Variants in SETX observed in about 807,000 individuals in gnomAD.
The protein encoded by SETX is helicase senataxin.
SETX carries 90 observed loss-of-function variants against 227.2 expected under a neutral mutation model. The observed-to-expected ratio is 0.40, with a 90% CI of 0.33 to 0.47. The LOEUF is 0.47. SETX is among the 20% of genes least tolerant of loss of function. The probability of loss-of-function intolerance (pLI) is 0.91; values close to 1 mark genes in which losing one functional copy is unlikely to be tolerated. For synonymous variants in SETX, 1,210 were observed against 1,113.2 expected, an observed-to-expected ratio of 1.09 and a Z score of -1.73; for missense variants, 3,052 against 3,181.5, an observed-to-expected ratio of 0.96 and a Z score of 0.98.
At chr9:132,349,532 T>C in intron 2 of SETX, 97 bp from the exon 3 acceptor site, 1 of 1,300,230 alleles carries the variant, frequency 7.7e-7, no homozygotes, top group Non-Finnish European at 1.1e-6. Context: ...CTGGTTTCAA[T>C]TTAAAATGTG....
intron 2 of SETX, among the ~76,000 whole-genome samples, chr9:132,350,975 CATTTT>C (rs1245539397): frequency 6.6e-6 from 1 of 152,206 alleles, no homozygotes; most frequent in East Asian, 1.9e-4. Context: ...AACTCAATTA[CATTTT>C]ATTAATGCCT....
At chr9:132,346,177 A>C in intron 4 of SETX, 84 bp downstream of exon 4, 3 of 1,118,572 alleles carry the variant, frequency 2.7e-6, no homozygotes, top group Non-Finnish European at 4.0e-6. Context: ...TTAGCAAACA[A>C]ATTTGCAATA....
intron 10 of SETX, among the ~76,000 whole-genome samples, chr9:132,325,439 A>G (rs1846673944): frequency 6.6e-6 from 1 of 151,572 alleles, no homozygotes; most frequent in Admixed American, 6.6e-5. Flanking sequence ...TTTGTGTTCA[A>G]TGTAATTCAC....
At chr9:132,296,088 T>C (rs1589667246) in intron 14 of SETX, 60 bp from the exon 15 acceptor site, 2 of 1,587,756 alleles carry the variant, frequency 1.3e-6, no homozygotes, top group Non-Finnish European at 1.7e-6. Flanking sequence ...TGAGCTCTAT[T>C]ACATAGCTTT....
At position 132,326,696 on chromosome 9, in the gene SETX, A is replaced by G; in HGVS notation, c.4902T>C (p.Ile1634=). The G allele has an allele frequency of 6.2e-7, 1 of 1,614,196 alleles. No individual in the cohort carries two copies. The highest frequency in any genetic ancestry group is 8.5e-7 in the Non-Finnish European group (1 of 1,179,998). ...LKNKSKGIQS[I]LKVPQPVPLI... ...GGGGAACTGGCTGTGGTACTTTCAA[A>G]ATCGACTGTATCCCCTTTGACTTAT... Residue 1634 remains isoleucine, a synonymous_variant, in exon 10 of 26, where the codon ATT becomes ATC. Transcript: ENST00000224140.
chr9:132,269,308 G>A (rs932514535), intron 25 of SETX: 1 of 858,574 alleles, frequency 1.2e-6, no homozygotes, highest in Non-Finnish European at 1.6e-6. Context: ...TTTACTAAGT[G>A]CCAAGCAATT....
chr9:132,292,169 G>A (rs1485621277), intron 15 of SETX, among the ~76,000 whole-genome samples: 1 of 152,022 alleles, frequency 6.6e-6, no homozygotes, highest in East Asian at 1.9e-4. Context: ...GTGGTCAGGG[G>A]CAGTGTCTCA....
rs566789350 is a variant in SETX at position 132,272,485 on chromosome 9, A to G, written c.7101-677T>C. On this transcript the variant is annotated intron_variant, in intron 23 of 25. Coordinates refer to ENST00000224140, the MANE Select transcript of SETX (RefSeq NM_015046.7). ...ATTTTTAAAGAAACTTAAAAAAAAA[A>G]AGAGAGAGAGAGAGAGACAGAGTCT... 3.0e-3 allele frequency among the ~76,000 whole-genome samples: 449 copies of G among 151,012 alleles called. 1 individual carries two copies. Among genetic ancestry groups the G allele is most frequent in the African/African-American group, 9.4e-3 (387 of 41,078 alleles).
At chr9:132,270,556 C>T (rs1188134066) in intron 24 of SETX, among the ~76,000 whole-genome samples, 1 of 152,228 alleles carries the variant, frequency 6.6e-6, no homozygotes, top group African/African-American at 2.4e-5. Flanking sequence ...CAGAAGAATT[C>T]CTATTAAAAA....
chr9:132,300,130 CAAAAAAAAAAAA>C (rs72582907), intron 12 of SETX, among the ~76,000 whole-genome samples: 1 of 47,206 alleles, frequency 2.1e-5, no homozygotes, highest in Non-Finnish European at 4.5e-5. Flanking sequence ...AACTCCGTCT[CAAAAAAAAAAAA>C]AAAAAAAAAA....
intron 15 of SETX, among the ~76,000 whole-genome samples, chr9:132,292,661 G>A (rs1254657547): frequency 4.0e-5 from 5 of 125,562 alleles, no homozygotes; most frequent in Admixed American, 1.9e-4. Flanking sequence ...CAAGAGTCTC[G>A]CTCTGTCACC....
chr9:132,331,933 A>C (rs1210212283), intron 7 of SETX, among the ~76,000 whole-genome samples: 3 of 152,240 alleles, frequency 2.0e-5, no homozygotes, highest in African/African-American at 7.2e-5. Flanking sequence ...CTCTTTCAGC[A>C]TCATCCTGAA....
chr9:132,323,611 T>C (rs79076974), intron 10 of SETX, among the ~76,000 whole-genome samples: 12,433 of 152,016 alleles, frequency 0.082, 639 homozygotes, highest in East Asian at 0.24. Context: ...TTCAGAAATA[T>C]GGAAGGAAGG....
intron 13 of SETX, among the ~76,000 whole-genome samples, chr9:132,297,658 T>TA (rs1170491405): frequency 1.3e-5 from 2 of 152,344 alleles, no homozygotes; most frequent in Middle Eastern, 3.4e-3. Context: ...TCTAAATAGT[T>TA]AGTTTCCTTT....
At chr9:132,279,644 A>G (rs567898627) in intron 20 of SETX, among the ~76,000 whole-genome samples, 3 of 152,356 alleles carry the variant, frequency 2.0e-5, no homozygotes, top group South Asian at 4.1e-4. Context: ...AAAGCATAAA[A>G]TAATTATTAA....
chr9:132,277,268 A>G, intron 21 of SETX, 116 bp from the exon 22 acceptor site: 2 of 813,730 alleles, frequency 2.5e-6, no homozygotes, highest in Non-Finnish European at 4.1e-6. Flanking sequence ...GTAAGGGGAT[A>G]GCAGGAATAT....
chr9:132,308,051 T>G lies in SETX; in HGVS notation c.5374+3706A>C, dbSNP rs141161311. On this transcript the variant is annotated intron_variant, in intron 11 of 25. Coordinates refer to ENST00000224140, the MANE Select transcript of SETX (RefSeq NM_015046.7). ...TTTATACTGCCTTTCCTTTATAAACTATGCTACTGAGTAACCAAATAGTAG... is the reference window on the plus strand; with the variant it reads ...TTTATACTGCCTTTCCTTTATAAACGATGCTACTGAGTAACCAAATAGTAG... Among the ~76,000 whole-genome samples, 495 of 152,320 alleles carry G rather than the reference T, an allele frequency of 3.2e-3. 2 individuals are homozygous for G. The highest frequency in any genetic ancestry group is 0.011 in the African/African-American group (476 of 41,574).
At chr9:132,336,165 C>A in intron 6 of SETX, 131 bp downstream of exon 6, 2 of 757,094 alleles carry the variant, frequency 2.6e-6, no homozygotes, top group Non-Finnish European at 2.3e-6. Flanking sequence ...ATTGCTTGAA[C>A]CTGGGAGGTG....
chr9:132,327,738 A>G lies in SETX; in HGVS notation c.3860T>C (p.Leu1287Pro). Residue 1287 changes from leucine (L) to proline (P), a missense_variant, in exon 10 of 26, where the codon CTT becomes CCT. Physicochemically the swap from Leu to Pro is moderately conservative, Grantham distance 98. This residue lies in a region of SETX where 1,483 missense variants were observed against 1,312.0 expected (regional missense o/e 1.13). Coordinates refer to ENST00000224140, the MANE Select transcript of SETX (RefSeq NM_015046.7). ...CTTACGAGGACCCTTTTTCAGGCCAAGTTTCTCAGCTGTTGAAGTTGGCTC... is the reference window on the plus strand; with the variant it reads ...CTTACGAGGACCCTTTTTCAGGCCAGGTTTCTCAGCTGTTGAAGTTGGCTC... ...CPEPTSTAEK[L>P]GLKKGPRKAY... 6.2e-7 allele frequency: 1 copy of G among 1,614,180 alleles called. No homozygotes were observed. Among genetic ancestry groups the G allele is most frequent in the Non-Finnish European group, 8.5e-7 (1 of 1,180,038 alleles).
Sources: allele counts gnomAD v4.1 joint callset (sites outside exome capture counted in the v4.1 genomes callset), GRCh38; gene constraint gnomAD v4.1.1; regional missense constraint gnomAD v4.1.1; transcripts MANE v1.5; gene names NCBI Gene and HGNC (gene_info 2026-07-23, HGNC 2026-07-21).